Variants in CD36 observed in about 807,000 individuals in gnomAD.
CD36 encodes the protein CD36 molecule (CD36 blood group).
CD36 carries 119 observed loss-of-function variants against 55.2 expected under a neutral mutation model. The observed-to-expected ratio is 2.15, with a 90% confidence interval of 1.86 to 2.51. The LOEUF is 2.51. CD36 is among the 30% of genes most tolerant of loss of function. The pLI, the probability that CD36 is intolerant of heterozygous loss-of-function variation, is 0.00. For synonymous variants in CD36, 186 were observed against 193.6 expected, an observed-to-expected ratio of 0.96 and a Z score of 0.33; for missense variants, 819 against 555.5, an observed-to-expected ratio of 1.47 and a Z score of -4.77.
chr7:80,632,260 T>TA (rs200544591), intron 1 of CD36, among the ~76,000 whole-genome samples: 4,202 of 139,330 alleles, frequency 0.03, 127 homozygotes, highest in African/African-American at 0.084. Context: ...CTTCTCCATT[T>TA]AAAAAAAAAA....
At chr7:80,640,963 A>G (rs375110784) in intron 1 of CD36, among the ~76,000 whole-genome samples, 92 of 152,210 alleles carry the variant, frequency 6.0e-4, no homozygotes, top group African/African-American at 2.2e-3. Context: ...AGAAATGGAC[A>G]TGAGATAATT....
intron 1 of CD36, among the ~76,000 whole-genome samples, chr7:80,621,720 A>G (rs2115907487): frequency 6.6e-6 from 1 of 152,362 alleles, no homozygotes; most frequent in African/African-American, 2.4e-5. Context: ...GCCACTAGTA[A>G]CAGTGTATGG....
chr7:80,653,687 C>T (rs999951667), intron 3 of CD36, among the ~76,000 whole-genome samples: 1 of 152,168 alleles, frequency 6.6e-6, no homozygotes, highest in African/African-American at 2.4e-5. Flanking sequence ...ATAGTCTAGA[C>T]AGTCCAAATT....
chr7:80,628,503 A>G (rs910106952), intron 1 of CD36, among the ~76,000 whole-genome samples: 1 of 152,236 alleles, frequency 6.6e-6, no homozygotes, highest in East Asian at 1.9e-4. Context: ...GTAGAAAACC[A>G]TATTGCAGAA....
At chr7:80,673,248 C>CAAAATCAA (rs1403624867) in intron 12 of CD36, 107 bp from the exon 13 acceptor site, 2 of 607,660 alleles carry the variant, frequency 3.3e-6, no homozygotes, top group Admixed American at 6.0e-5. Context: ...ATTACAGGAA[C>CAAAATCAA]AAAATCAAAT....
At chr7:80,607,984 A>G (rs549371599) in intron 1 of CD36, among the ~76,000 whole-genome samples, 2 of 152,042 alleles carry the variant, frequency 1.3e-5, no homozygotes, top group African/African-American at 4.8e-5. Context: ...GTTAGCCCGG[A>G]TGGTCTGCAT....
intron 1 of CD36, among the ~76,000 whole-genome samples, chr7:80,622,985 A>T (rs1412982808): frequency 6.9e-6 from 1 of 144,458 alleles, no homozygotes; most frequent in African/African-American, 2.6e-5. Flanking sequence ...ACTAAACTTT[A>T]GACAACAGTC....
rs1199005041 is a variant in CD36 at position 80,671,980 on chromosome 7, AC to A, written c.1067del (p.Pro356LeufsTer5). On this transcript the variant is annotated frameshift_variant, in exon 11 of 15. Coordinates refer to ENST00000447544, the MANE Select transcript of CD36 (RefSeq NM_001001548.3). LOFTEE classifies it high-confidence loss of function. ...FLYASPDVSE[P>X]IDGLNPNEEE... is the part of the protein sequence containing the mutation. ...TGTATGCAAGTCCTGATGTTTCAGA[AC>A]CTATTGATGGATTAAACCCAAATGA... 1.9e-6 allele frequency: 3 copies of A among 1,609,960 alleles called. No individual in the cohort carries two copies. The highest frequency in any genetic ancestry group is 4.5e-5 in the East Asian group (2 of 44,662).
chr7:80,670,178 A>AT (rs1265003715), intron 9 of CD36, 156 bp downstream of exon 9: 100 of 628,636 alleles, frequency 1.6e-4, no homozygotes, highest in Middle Eastern at 3.0e-4. Flanking sequence ...TAATAGTACA[A>AT]ATTTTTTTTT....
intron 5 of CD36, 60 bp from the exon 6 acceptor site, chr7:80,662,930 A>C: frequency 7.4e-7 from 1 of 1,342,404 alleles, no homozygotes; most frequent in Non-Finnish European, 1.1e-6. Context: ...CATTTAATCC[A>C]TTTATTTGTT....
chr7:80,619,430 T>G (rs1222579785), intron 1 of CD36, among the ~76,000 whole-genome samples: 1 of 152,034 alleles, frequency 6.6e-6, no homozygotes, highest in Non-Finnish European at 1.5e-5. Flanking sequence ...GGTGGTCACT[T>G]AAGGTCAGGA....
intron 1 of CD36, chr7:80,626,139 A>T (rs1793725687): frequency 6.6e-6 from 1 of 151,736 alleles, no homozygotes; most frequent in Non-Finnish European, 1.5e-5. Context: ...TTGCTTAGAA[A>T]CTCAGCGACT....
At chr7:80,604,635 A>G (rs1354296837) in intron 1 of CD36, among the ~76,000 whole-genome samples, 2 of 151,856 alleles carry the variant, frequency 1.3e-5, no homozygotes, top group Non-Finnish European at 2.9e-5. Context: ...TAGAGGGGAC[A>G]TAGGAGACAG....
chr7:80,620,804 TAAG>T (rs927071379), intron 1 of CD36, among the ~76,000 whole-genome samples: 4 of 152,098 alleles, frequency 2.6e-5, no homozygotes, highest in Non-Finnish European at 5.9e-5. Flanking sequence ...TTAAGGGAAA[TAAG>T]AACCAGAAAA....
chr7:80,672,062 C>G (rs1165722348), intron 11 of CD36, 22 bp downstream of exon 11: 1 of 1,570,618 alleles, frequency 6.4e-7, no homozygotes, highest in Non-Finnish European at 8.7e-7. Context: ...CCTTATTGAT[C>G]TGATTTGGTT....
At chr7:80,666,264 T>C (rs1199208768) in intron 7 of CD36, 179 bp from the exon 8 acceptor site, 6 of 582,202 alleles carry the variant, frequency 1.0e-5, no homozygotes, top group Non-Finnish European at 1.8e-5. Context: ...TCAGGTACAT[T>C]GCAATAAGAT....
rs1798190892 is a variant in CD36 at position 80,677,204 on chromosome 7, T to G, written c.*821T>G. The stretch of plus-strand genomic sequence containing the variant: ...GGATGAAGAACAAAAAGACATTTGG[T>G]TTCATCCTTTACAGCAGTAGGACAA... On this transcript the variant is annotated 3_prime_UTR_variant, in exon 15 of 15. Coordinates refer to ENST00000447544, the MANE Select transcript of CD36 (RefSeq NM_001001548.3). 6.6e-6 allele frequency: 1 copy of G among 152,170 alleles called. No homozygotes were observed. The highest frequency in any genetic ancestry group is 2.1e-4 in the South Asian group (1 of 4,836). 9.4% of individuals were successfully genotyped at this position (152,170 alleles called of 1,614,324 possible).
intron 1 of CD36, among the ~76,000 whole-genome samples, chr7:80,618,134 G>A (rs1367812143): frequency 3.3e-5 from 5 of 152,000 alleles, no homozygotes; most frequent in East Asian, 3.9e-4. Context: ...CTGCATTCAG[G>A]GTCTGAGTGC....
At chr7:80,620,327 C>A (rs1020325010) in intron 1 of CD36, among the ~76,000 whole-genome samples, 2 of 152,198 alleles carry the variant, frequency 1.3e-5, no homozygotes, top group African/African-American at 4.8e-5. Flanking sequence ...AAGTCCAAGT[C>A]TCCAGGACTA....
Sources: allele counts gnomAD v4.1 joint callset (sites outside exome capture counted in the v4.1 genomes callset), GRCh38; gene constraint gnomAD v4.1.1; transcripts MANE v1.5; gene names NCBI Gene and HGNC (gene_info 2026-07-23, HGNC 2026-07-21).